The following TRAPPC9 variants were observed in gnomAD, a reference collection of about 807,000 sequenced individuals.
The protein encoded by TRAPPC9 is trafficking protein particle complex subunit 9.
In TRAPPC9, 83 loss-of-function variants were observed where a neutral mutation model predicts 124.0. The observed-to-expected ratio is 0.67, with a 90% CI of 0.56 to 0.80. The LOEUF (loss-of-function observed/expected upper bound fraction) is 0.80. Ranked by LOEUF, TRAPPC9 falls within the 30% of genes least tolerant of loss-of-function variation. TRAPPC9 has a pLI of 0.00. For synonymous variants in TRAPPC9, 638 were observed against 617.5 expected (o/e 1.03, Z -0.49); for missense variants, 1,302 against 1,508.3 (o/e 0.86, Z 2.27).
rs1276750450 is a variant in TRAPPC9, at chr8:140,125,622, C to T, written c.2556+95837G>A. The stretch of plus-strand genomic sequence containing the variant: ...TTTTTTTTTTTTTTTTGAGATGGAG[C>T]CTCGCTCTGTCACCCAGGCTGGAGT... On this transcript the variant is annotated intron_variant, in intron 17 of 22. Transcript: ENST00000438773. 2.0e-4 allele frequency among the ~76,000 whole-genome samples: 23 copies of T among 117,938 alleles called. No homozygotes were observed. In the South Asian group the frequency reaches 4.7e-3, roughly 24 times the overall value. 77.4% of individuals were successfully genotyped at this position (117,938 alleles called of 152,430 possible). A position where few individuals can be genotyped will look rare whatever the true frequency, so the allele number is the denominator to read the frequency against.
intron 17 of TRAPPC9, among the ~76,000 whole-genome samples, chr8:140,139,458 G>A (rs1321127474): frequency 1.3e-5 from 2 of 152,118 alleles, no homozygotes; most frequent in Non-Finnish European, 1.5e-5. Context: ...ATGTGAATAC[G>A]TGCACCAAAA....
intron 18 of TRAPPC9, among the ~76,000 whole-genome samples, chr8:140,002,843 T>C (rs557140357): frequency 3.3e-3 from 60 of 18,204 alleles, no homozygotes; most frequent in African/African-American, 0.013. Context: ...ATTCCACTTA[T>C]CAAAAAAAAA....
chr8:140,249,164 C>T (rs1685630032), intron 16 of TRAPPC9, among the ~76,000 whole-genome samples: 1 of 142,622 alleles, frequency 7.0e-6, no homozygotes, highest in African/African-American at 2.8e-5. Flanking sequence ...ACTGGTTTTT[C>T]CCTCCCTGAC....
At chr8:140,149,895 A>G (rs1258620352) in intron 17 of TRAPPC9, among the ~76,000 whole-genome samples, 1 of 152,186 alleles carries the variant, frequency 6.6e-6, no homozygotes. Flanking sequence ...ACATGCATGT[A>G]CGTATGTCTA....
At chr8:140,080,665 C>T (rs1843765176) in intron 17 of TRAPPC9, among the ~76,000 whole-genome samples, 1 of 152,194 alleles carries the variant, frequency 6.6e-6, no homozygotes, top group Non-Finnish European at 1.5e-5. Flanking sequence ...ACCCAATCAC[C>T]TCCCGCTAGG....
At position 140,252,189 on chromosome 8, in the gene TRAPPC9, C is replaced by T. The variant is rs562936849; in HGVS notation, c.2431+588G>A. 2.6e-5 allele frequency among the ~76,000 whole-genome samples: 4 copies of T among 152,178 alleles called. No homozygotes were observed. The South Asian group carries it at 8.3e-4, about 32-fold the overall frequency. On this transcript the variant is annotated intron_variant, in intron 16 of 22. Coordinates refer to ENST00000438773, the MANE Select transcript of TRAPPC9 (RefSeq NM_001160372.4). This position sits in a 1 kb window ranked among gnomAD's most constrained non-coding sequence, Gnocchi z 4.2. ...TACAGGCATGCGCCACCATGCCCGA[C>T]GAATTTTTGTATTGTTAATAGAGAC...
chr8:139,736,272 G>A (rs944164467), intron 21 of TRAPPC9, among the ~76,000 whole-genome samples: 1 of 152,192 alleles, frequency 6.6e-6, no homozygotes, highest in South Asian at 2.1e-4. Context: ...ATCCCAGTTT[G>A]CCCAGGGCTA....
intron 1 of TRAPPC9, among the ~76,000 whole-genome samples, chr8:140,453,282 AT>A (rs1588387045): frequency 1.3e-5 from 2 of 152,196 alleles, no homozygotes; most frequent in East Asian, 3.9e-4. Flanking sequence ...GGCCCCTTCC[AT>A]GGCCCTCTAT....
intron 19 of TRAPPC9, among the ~76,000 whole-genome samples, chr8:139,913,545 AG>A (rs1831893439): frequency 6.6e-6 from 1 of 152,354 alleles, no homozygotes; most frequent in Admixed American, 6.5e-5. Context: ...TGCTGTTTGC[AG>A]AGCAGCATGG....
At chr8:140,005,037 C>G (rs775171928) in intron 18 of TRAPPC9, among the ~76,000 whole-genome samples, 1 of 152,154 alleles carries the variant, frequency 6.6e-6, no homozygotes, top group African/African-American at 2.4e-5. Flanking sequence ...AGCCAGGGAA[C>G]CTAATTCAAT....
rs577426252 is a variant in TRAPPC9, at chr8:140,362,926, T to C, written c.1352-2733A>G. ...TATGAGTAAGACCGAGTATACATTT[T>C]CTTAACAGTAAATAGTGTACAAGTC... On this transcript the variant is annotated intron_variant, in intron 8 of 22. Coordinates refer to ENST00000438773, the MANE Select transcript of TRAPPC9 (RefSeq NM_001160372.4). 1.6e-4 allele frequency among the ~76,000 whole-genome samples: 24 copies of C among 152,374 alleles called. No individual in the cohort carries two copies. In the South Asian group the frequency reaches 4.1e-3, roughly 26 times the overall value.
At chr8:140,405,972 G>A (rs1371026850) in intron 5 of TRAPPC9, among the ~76,000 whole-genome samples, 2 of 152,136 alleles carry the variant, frequency 1.3e-5, no homozygotes, top group African/African-American at 4.8e-5. Context: ...CATATTTACA[G>A]TAACTAGCTC....
chr8:139,959,286 A>G (rs898810), intron 19 of TRAPPC9, among the ~76,000 whole-genome samples: 136,274 of 152,328 alleles, frequency 0.89, 61,120 homozygotes, highest in Middle Eastern at 0.99. Flanking sequence ...CAACACCAAC[A>G]GAGGGCTTGA....
chr8:140,363,530 T>G (rs185949347), intron 8 of TRAPPC9, among the ~76,000 whole-genome samples: 1 of 152,268 alleles, frequency 6.6e-6, no homozygotes, highest in African/African-American at 2.4e-5. Context: ...ATTTTTAATC[T>G]CAGCCAGTCA....
chr8:139,975,927 CTTTTTTTTTTT>C (rs528679775), intron 19 of TRAPPC9, among the ~76,000 whole-genome samples: 4 of 95,566 alleles, frequency 4.2e-5, no homozygotes, highest in East Asian at 3.2e-4. Flanking sequence ...AAAGGACAGT[CTTTTTTTTTTT>C]TTTTTTTTTT....
At position 140,283,978 on chromosome 8, in the gene TRAPPC9, C is replaced by T. The variant is rs535577825; in HGVS notation, c.2025G>A (p.Leu675=). The change falls in exon 14 of 23, where the codon CTG becomes CTA. Residue 675 remains leucine (L), a synonymous_variant. Transcript: ENST00000438773. ...TVFGVFSDCL[L]DNLPGIKTSG... is the part of the protein sequence containing the mutation. ...TGGTTTTTATTCCCGGCAGGTTATC[C>T]AGCAAACAGTCACTGAACACACCGA... The T allele has an allele frequency of 5.6e-6, 9 of 1,614,118 alleles. No individual in the cohort carries two copies. In the South Asian group the frequency reaches 7.7e-5, roughly 14 times the overall value.
intron 20 of TRAPPC9, among the ~76,000 whole-genome samples, chr8:139,898,321 C>T (rs1385007853): frequency 6.6e-6 from 1 of 152,194 alleles, no homozygotes; most frequent in Non-Finnish European, 1.5e-5. Flanking sequence ...AACTAGACCC[C>T]GGTAAGCATC....
intron 17 of TRAPPC9, among the ~76,000 whole-genome samples, chr8:140,143,801 T>C (rs1031549911): frequency 6.6e-6 from 1 of 152,198 alleles, no homozygotes; most frequent in Admixed American, 6.5e-5. Context: ...TTCCACTGAT[T>C]TATAATGCCC....
rs61316837 is a variant in TRAPPC9 at position 139,797,338 on chromosome 8, C to T, written c.3056-65136G>A. 9.2e-3 allele frequency among the ~76,000 whole-genome samples: 1,393 copies of T among 152,178 alleles called. 21 individuals are homozygous for T. The highest frequency in any genetic ancestry group is 0.032 in the African/African-American group (1,322 of 41,520). ...GCAGTGGCGTGATCTTGGCTCACTG[C>T]GACTTCCGCCTCCCGGGTTCAAGCA... is the stretch of plus-strand genomic sequence containing the variant. On this transcript the variant is annotated intron_variant, in intron 21 of 22. Transcript: ENST00000438773.
Sources: gnomAD v4.1 joint callset for allele counts (sites outside exome capture counted in the v4.1 genomes callset) on GRCh38, gnomAD v4.1.1 for gene constraint, Gnocchi (gnomAD v3.1) non-coding constraint, MANE v1.5 for transcripts, NCBI Gene and HGNC (gene_info 2026-07-23, HGNC 2026-07-21) for gene names.